The following USP50 variants were observed in gnomAD, a reference collection of about 807,000 sequenced individuals.
The protein encoded by USP50 is ubiquitin specific peptidase 50.
USP50 carries 37 observed loss-of-function variants against 39.2 expected under a neutral mutation model. The ratio of observed to expected loss-of-function variants is 0.94; its 90% confidence interval spans 0.73 to 1.24. The LOEUF (loss-of-function observed/expected upper bound fraction) is 1.24. Ranked by LOEUF, USP50 falls within the 50% of genes most tolerant of loss-of-function variation. USP50 has a pLI of 0.00. For synonymous variants in USP50, 139 were observed against 144.5 expected, an observed-to-expected ratio of 0.96 and a Z score of 0.27; for missense variants, 374 against 398.2, an observed-to-expected ratio of 0.94 and a Z score of 0.52.
downstream of USP50, chr15:50,496,218 T>C (rs1029800798): frequency 1.5e-6 from 1 of 685,660 alleles, no homozygotes; most frequent in Non-Finnish European, 2.4e-6. Flanking sequence ...CAGTGGCTCA[T>C]ACCTTGTACT....
intron 5 of USP50, among the ~76,000 whole-genome samples, chr15:50,532,480 G>A (rs952502479): frequency 3.9e-5 from 6 of 152,028 alleles, no homozygotes; most frequent in African/African-American, 9.7e-5. Context: ...TTAAAAGACC[G>A]AGACCCACTC....
At chr15:50,496,895 A>C, downstream of USP50, 1 of 619,802 alleles carries the variant, frequency 1.6e-6, no homozygotes, top group African/African-American at 1.9e-5. Flanking sequence ...GGTAGCACTC[A>C]CCACACTCTG....
intron 1 of USP50, among the ~76,000 whole-genome samples, chr15:50,495,189 GATAT>G (rs147090227): frequency 6.8e-6 from 1 of 146,706 alleles, no homozygotes; most frequent in Non-Finnish European, 1.5e-5. Context: ...CCACTGAACA[GATAT>G]ATATATATAT....
intron 4 of USP50, among the ~76,000 whole-genome samples, chr15:50,539,691 G>A (rs2053013885): frequency 6.6e-6 from 1 of 152,224 alleles, no homozygotes; most frequent in Non-Finnish European, 1.5e-5. Context: ...TGGGATTACA[G>A]CCTTGAGCCT....
intron 6 of USP50, among the ~76,000 whole-genome samples, chr15:50,526,767 G>A (rs548674066): frequency 4.6e-5 from 7 of 151,092 alleles, no homozygotes; most frequent in Admixed American, 6.6e-5. Flanking sequence ...CAGCCTGCCT[G>A]GGTTCAGATC....
At chr15:50,519,225 T>G (rs1449658266) in intron 6 of USP50, among the ~76,000 whole-genome samples, 3 of 152,012 alleles carry the variant, frequency 2.0e-5, no homozygotes, top group Non-Finnish European at 2.9e-5. Context: ...AAGCAGAGGC[T>G]GCAGTGAGCT....
downstream of USP50, chr15:50,498,698 T>TTTGAAGAAA: frequency 6.2e-7 from 1 of 1,611,694 alleles, no homozygotes; most frequent in Non-Finnish European, 8.5e-7. Flanking sequence ...CAAAGAACAA[T>TTTGAAGAAA]TTGAAGAAAT....
At chr15:50,512,609 G>T (rs1054883212) in intron 6 of USP50, 1 of 152,070 alleles carries the variant, frequency 6.6e-6, no homozygotes, top group Non-Finnish European at 1.5e-5. Flanking sequence ...GGCCAACATG[G>T]TGAAACCACA....
chr15:50,533,539 C>A (rs1481567832), intron 5 of USP50, among the ~76,000 whole-genome samples: 1 of 151,870 alleles, frequency 6.6e-6, no homozygotes, highest in Admixed American at 6.6e-5. Flanking sequence ...AGAAACCATG[C>A]AAACAAGAAG....
intron 6 of USP50, chr15:50,506,957 CAAAAAAAAAAAAAAAA>C (rs58329541): frequency 1.5e-4 from 7 of 46,198 alleles, no homozygotes; most frequent in African/African-American, 5.7e-4. Flanking sequence ...GACTTCATCT[CAAAAAAAAAAAAAAAA>C]AAAAAAAAAA....
intron 6 of USP50, among the ~76,000 whole-genome samples, chr15:50,529,006 G>C (rs1337502008): frequency 6.6e-6 from 1 of 152,148 alleles, no homozygotes; most frequent in Non-Finnish European, 1.5e-5. Context: ...GCTACTTGGG[G>C]ATGGTTGATA....
chr15:50,520,816 G>A (rs756800246), intron 6 of USP50, among the ~76,000 whole-genome samples: 5 of 152,142 alleles, frequency 3.3e-5, no homozygotes, highest in Non-Finnish European at 5.9e-5. Context: ...GTTACCAGAG[G>A]CTGGGAACAA....
At chr15:50,520,230 G>A (rs987766542) in intron 6 of USP50, among the ~76,000 whole-genome samples, 1 of 151,756 alleles carries the variant, frequency 6.6e-6, no homozygotes, top group Admixed American at 6.6e-5. Flanking sequence ...GATCTCTTAA[G>A]CCCAGGAATT....
intron 6 of USP50, among the ~76,000 whole-genome samples, chr15:50,527,205 CTTT>C (rs1182517400): frequency 6.6e-6 from 1 of 151,854 alleles, no homozygotes; most frequent in Non-Finnish European, 1.5e-5. Flanking sequence ...GCCTGAGATT[CTTT>C]TTTTTCTTTT....
chr15:50,524,052 G>A (rs185347617), intron 6 of USP50, among the ~76,000 whole-genome samples: 23 of 152,316 alleles, frequency 1.5e-4, no homozygotes, highest in Non-Finnish European at 3.1e-4. Context: ...TAAATAAATG[G>A]TGTCAGGAAA....
At chr15:50,519,308 TA>T (rs201142496) in intron 6 of USP50, among the ~76,000 whole-genome samples, 6 of 146,830 alleles carry the variant, frequency 4.1e-5, no homozygotes, top group African/African-American at 7.5e-5. Flanking sequence ...TACAATACAA[TA>T]AAAAAAAAGT....
rs567622097 is a variant in USP50 at position 50,532,850 on chromosome 15, GTTTCT to G, written c.804-2926_804-2922del. Among the ~76,000 whole-genome samples, 195 of 152,266 alleles carry G rather than the reference GTTTCT, an allele frequency of 1.3e-3. 2 individuals are homozygous for G. Among genetic ancestry groups the G allele is most frequent in the South Asian group, 5.0e-3 (24 of 4,828 alleles). On this transcript the variant is annotated intron_variant, in intron 5 of 6. Coordinates refer to ENST00000532404, the MANE Select transcript of USP50 (RefSeq NM_203494.5). ...GGTATCCTTGTTAGTACAGTGGTTA[GTTTCT>G]TTTCTTTTCTTTTAACTACTAGAGG...
intron 6 of USP50, among the ~76,000 whole-genome samples, chr15:50,518,849 A>G (rs1417632350): frequency 6.6e-6 from 1 of 152,228 alleles, no homozygotes; most frequent in African/African-American, 2.4e-5. Flanking sequence ...ATAGCAAAGA[A>G]AGCATTCAAC....
At chr15:50,512,016 T>A (rs558927698) in intron 6 of USP50, 17 of 151,664 alleles carry the variant, frequency 1.1e-4, no homozygotes, top group African/African-American at 3.6e-4. Context: ...ATAAATAAAA[T>A]TTTAAAAATA....
Sources: allele counts gnomAD v4.1 joint callset (sites outside exome capture counted in the v4.1 genomes callset), GRCh38; gene constraint gnomAD v4.1.1; transcripts MANE v1.5; gene names NCBI Gene and HGNC (gene_info 2026-07-23, HGNC 2026-07-21).